Variants in BRINP1 observed in about 807,000 individuals in gnomAD.
The protein encoded by BRINP1 is BMP/retinoic acid inducible neural specific 1, also known as BMP/retinoic acid-inducible neural-specific protein 1.
Under a neutral mutation model 72.9 loss-of-function variants are expected in BRINP1, and 17 were observed. That is an observed-to-expected ratio of 0.23 (90% confidence interval 0.16 to 0.35). The LOEUF is 0.35. Ranked by LOEUF, BRINP1 falls within the 10% of genes least tolerant of loss-of-function variation. BRINP1 has a pLI of 1.00. For synonymous variants in BRINP1, 418 were observed against 378.5 expected (o/e 1.10, Z -1.21); for missense variants, 850 against 1,001.6 (o/e 0.85, Z 2.04).
Position 119,168,244 on chromosome 9 carries a change from T to C in BRINP1, c.1146-20A>G. On this transcript the variant is annotated intron_variant, in intron 7 of 7. Coordinates refer to ENST00000265922, the MANE Select transcript of BRINP1 (RefSeq NM_014618.3). Reference sequence around the variant, plus strand: ...ATTGTCCTGGGAGATAAAGGAAAATTGGAGAAGGTTAGCTACCATGAGTGG... The same window carrying C: ...ATTGTCCTGGGAGATAAAGGAAAATCGGAGAAGGTTAGCTACCATGAGTGG... 3 of 1,484,796 alleles carry C rather than the reference T, an allele frequency of 2.0e-6. No individual in the cohort carries two copies. The highest frequency in any genetic ancestry group is 2.7e-6 in the Non-Finnish European group (3 of 1,120,778). 92.0% of individuals were successfully genotyped at this position (1,484,796 alleles called of 1,614,324 possible).
intron 3 of BRINP1, among the ~76,000 whole-genome samples, chr9:119,247,657 C>CAAAAA (rs3983912): frequency 1.4e-5 from 1 of 73,018 alleles, no homozygotes; most frequent in African/African-American, 5.6e-5. Context: ...GACTCCGTCT[C>CAAAAA]AAAAAAAAAA....
At chr9:119,348,413 A>G (rs1404447003) in intron 1 of BRINP1, among the ~76,000 whole-genome samples, 1 of 152,228 alleles carries the variant, frequency 6.6e-6, no homozygotes, top group East Asian at 1.9e-4. Context: ...TAAAGCTGCT[A>G]TAAACATCTG....
intron 5 of BRINP1, among the ~76,000 whole-genome samples, chr9:119,230,316 C>T (rs771622824): frequency 3.3e-5 from 5 of 151,984 alleles, no homozygotes; most frequent in Non-Finnish European, 5.9e-5. Context: ...AAAACTTTCA[C>T]GGAGGCTGTG....
At chr9:119,172,359 A>G (rs1255524379) in intron 7 of BRINP1, among the ~76,000 whole-genome samples, 8 of 152,166 alleles carry the variant, frequency 5.3e-5, no homozygotes, top group African/African-American at 7.2e-5. Flanking sequence ...ACACCTCTAC[A>G]CAAATAAACT....
chr9:119,248,366 C>T (rs1830344699), intron 3 of BRINP1, among the ~76,000 whole-genome samples: 1 of 152,216 alleles, frequency 6.6e-6, no homozygotes, highest in South Asian at 2.1e-4. Context: ...CACTAGTCTG[C>T]ACTATTTTCC....
chr9:119,336,822 G>T (rs1458607197), intron 1 of BRINP1, among the ~76,000 whole-genome samples: 1 of 151,760 alleles, frequency 6.6e-6, no homozygotes, highest in African/African-American at 2.4e-5. Flanking sequence ...GAATGGGAGA[G>T]AGAAGAGAAA....
At chr9:119,262,549 G>A (rs997159006) in intron 2 of BRINP1, among the ~76,000 whole-genome samples, 1 of 151,170 alleles carries the variant, frequency 6.6e-6, no homozygotes, top group Non-Finnish European at 1.5e-5. Flanking sequence ...AGGAGGCTGA[G>A]GCAGGAGAAT....
At chr9:119,366,931 A>G (rs1185610219) in intron 1 of BRINP1, among the ~76,000 whole-genome samples, 1 of 151,824 alleles carries the variant, frequency 6.6e-6, no homozygotes, top group Admixed American at 6.6e-5. Flanking sequence ...GTGAATTAGG[A>G]AAGAGAGAAA....
intron 3 of BRINP1, among the ~76,000 whole-genome samples, chr9:119,247,285 C>T (rs953752857): frequency 7.4e-6 from 1 of 135,688 alleles, no homozygotes; most frequent in African/African-American, 2.6e-5. Flanking sequence ...TAACTGGCAA[C>T]AGACAGCTAA....
chr9:119,215,630 G>A (rs1408175198), intron 5 of BRINP1, among the ~76,000 whole-genome samples: 1 of 152,130 alleles, frequency 6.6e-6, no homozygotes. Flanking sequence ...GTTGTTTCTA[G>A]ATTTTTATCT....
intron 7 of BRINP1, among the ~76,000 whole-genome samples, chr9:119,179,903 C>T (rs753723696): frequency 6.6e-6 from 1 of 152,228 alleles, no homozygotes; most frequent in African/African-American, 2.4e-5. Flanking sequence ...TTTCTGGCAA[C>T]CTGACAGGTC....
intron 7 of BRINP1, among the ~76,000 whole-genome samples, chr9:119,202,511 A>G (rs1252634275): frequency 6.6e-6 from 1 of 152,218 alleles, no homozygotes; most frequent in Non-Finnish European, 1.5e-5. Flanking sequence ...CAAGGCTTAA[A>G]AAGTCTCAGT....
intron 7 of BRINP1, among the ~76,000 whole-genome samples, chr9:119,187,971 G>C (rs1829642452): frequency 6.6e-6 from 1 of 152,182 alleles, no homozygotes; most frequent in South Asian, 2.1e-4. Context: ...AAGAAAGAAA[G>C]TCTGGACTTG....
At chr9:119,314,342 T>C (rs1206464376) in intron 1 of BRINP1, among the ~76,000 whole-genome samples, 1 of 152,220 alleles carries the variant, frequency 6.6e-6, no homozygotes, top group Non-Finnish European at 1.5e-5. Flanking sequence ...ATGCCAATTT[T>C]GTAAACACAA....
intron 1 of BRINP1, among the ~76,000 whole-genome samples, chr9:119,362,513 T>C (rs1300653763): frequency 6.6e-6 from 1 of 152,198 alleles, no homozygotes; most frequent in African/African-American, 2.4e-5. Flanking sequence ...TACTATTAGA[T>C]TGCCAGCACC....
chr9:119,284,208 A>G (rs893390603), intron 2 of BRINP1, among the ~76,000 whole-genome samples: 12 of 152,160 alleles, frequency 7.9e-5, no homozygotes, highest in Non-Finnish European at 1.8e-4. Flanking sequence ...GCTTTCTAGG[A>G]GCATGGCTTA....
At chr9:119,247,940 C>T (rs79421790) in intron 3 of BRINP1, among the ~76,000 whole-genome samples, 2,125 of 152,278 alleles carry the variant, frequency 0.014, 28 homozygotes, top group Non-Finnish European at 0.021. Context: ...CCAATCTCTC[C>T]ACCACATTCC....
At chr9:119,203,679 T>C (rs1588163080) in intron 7 of BRINP1, among the ~76,000 whole-genome samples, 3 of 152,160 alleles carry the variant, frequency 2.0e-5, no homozygotes, top group African/African-American at 7.2e-5. Flanking sequence ...GGTGACGAAG[T>C]TGGAATTTGA....
At chr9:119,199,799 T>TC (rs1491482098) in intron 7 of BRINP1, among the ~76,000 whole-genome samples, 2 of 50,390 alleles carry the variant, frequency 4.0e-5, no homozygotes, top group African/African-American at 2.0e-4. Context: ...TTCTTGTTCT[T>TC]CTTTTTTTTT....
Sources: gnomAD v4.1 joint callset for allele counts (sites outside exome capture counted in the v4.1 genomes callset) on GRCh38, gnomAD v4.1.1 for gene constraint, MANE v1.5 for transcripts, NCBI Gene and HGNC (gene_info 2026-07-23, HGNC 2026-07-21) for gene names.